Variants in DLST observed in about 807,000 individuals in gnomAD.
DLST encodes dihydrolipoamide S-succinyltransferase, also known as dihydrolipoyllysine-residue succinyltransferase component of 2-oxoglutarate dehydrogenase complex, mitochondrial.
Under a neutral mutation model 53.1 loss-of-function variants are expected in DLST, and 17 were observed. The observed-to-expected ratio is 0.32, with a 90% CI of 0.22 to 0.48. The LOEUF is 0.48. Among genes scored for constraint, DLST ranks in the 20% least tolerant of loss-of-function variants. The pLI is 0.99. For synonymous variants in DLST, 206 were observed against 204.8 expected, an observed-to-expected ratio of 1.01 and a Z score of -0.05; for missense variants, 512 against 583.9, an observed-to-expected ratio of 0.88 and a Z score of 1.27.
intron 10 of DLST, among the ~76,000 whole-genome samples, chr14:74,897,013 G>T (rs1884095336): frequency 6.6e-6 from 1 of 152,162 alleles, no homozygotes; most frequent in African/African-American, 2.4e-5. Context: ...TTCCTCTATT[G>T]TCCCAGCCTT....
At chr14:74,883,754 C>CACCCAGCTGTTGATAAGCCAGGTCT (rs1883612834) in intron 2 of DLST, among the ~76,000 whole-genome samples, 1 of 152,194 alleles carries the variant, frequency 6.6e-6, no homozygotes, top group South Asian at 2.1e-4. Flanking sequence ...CATGGTCACC[C>CACCCAGCTGTTGATAAGCCAGGTCT]ACCCAGCTGT....
chr14:74,894,954 G>A (rs895574205), intron 10 of DLST, among the ~76,000 whole-genome samples: 3 of 151,978 alleles, frequency 2.0e-5, no homozygotes, highest in Non-Finnish European at 4.4e-5. Flanking sequence ...TTGGCTAGGT[G>A]TAGTGGCTCA....
intron 11 of DLST, 125 bp downstream of exon 11, chr14:74,898,624 A>C (rs1437828994): frequency 8.3e-7 from 1 of 1,206,690 alleles, no homozygotes; most frequent in Non-Finnish European, 1.1e-6. Context: ...AAATATCAGT[A>C]TCTTCCCCAG....
At chr14:74,889,980 TTTTCATGGGC>T (rs778762915) in intron 6 of DLST, 28 bp downstream of exon 6, 1 of 1,606,964 alleles carries the variant, frequency 6.2e-7, no homozygotes, top group South Asian at 1.1e-5. Context: ...TCGTACCAGC[TTTTCATGGGC>T]TTCCCTTAGT....
intron 10 of DLST, among the ~76,000 whole-genome samples, chr14:74,895,411 C>A (rs1010457154): frequency 2.6e-5 from 4 of 152,210 alleles, no homozygotes; most frequent in Non-Finnish European, 4.4e-5. Context: ...AGAAATTTGA[C>A]AAACGTGTTT....
At chr14:74,891,487 C>A in intron 7 of DLST, 1 of 1,009,280 alleles carries the variant, frequency 9.9e-7, no homozygotes, top group Non-Finnish European at 1.2e-6. Context: ...TGAAATGCTC[C>A]AAAACTGAAA....
chr14:74,900,414 G>A, intron 13 of DLST, 42 bp downstream of exon 13: 14 of 1,577,034 alleles, frequency 8.9e-6, no homozygotes, highest in Non-Finnish European at 1.2e-5. Flanking sequence ...GCAGGCGAGG[G>A]AAGAGAGCCT....
chr14:74,902,459 A>G lies in DLST; in HGVS notation c.*129A>G. ...TGCTGTTGGCCTCAAGCAAGGAAGC[A>G]GAGCACTGTGTAACCAGCAGTCACA... On this transcript the variant is annotated 3_prime_UTR_variant, in exon 15 of 15. Coordinates refer to ENST00000334220, the MANE Select transcript of DLST (RefSeq NM_001933.5). 1.6e-6 allele frequency: 2 copies of G among 1,212,302 alleles called. No homozygotes were observed. Among genetic ancestry groups the G allele is most frequent in the Non-Finnish European group, 2.3e-6 (2 of 887,462 alleles). The allele number at this position is 1,212,302 out of a possible 1,614,324, so 75.1% of individuals were successfully genotyped here.
At chr14:74,887,261 G>C (rs992003317) in intron 3 of DLST, among the ~76,000 whole-genome samples, 1 of 152,092 alleles carries the variant, frequency 6.6e-6, no homozygotes, top group African/African-American at 2.4e-5. Flanking sequence ...CTACTGTGTG[G>C]TATGATCCCA....
Position 74,889,846 on chromosome 14 carries a change from T to C in DLST, c.275-51T>C. The C allele has an allele frequency of 2.5e-6, 4 of 1,599,864 alleles. No homozygotes were observed. The East Asian group carries it at 6.7e-5, about 27-fold the overall frequency. ...CTGCCAAAATGGGTTTTGTGGCTAC[T>C]GGAGGCTCCCCGCTAACAGGTAGCC... On this transcript the variant is annotated intron_variant, in intron 5 of 14. Coordinates refer to ENST00000334220, the MANE Select transcript of DLST (RefSeq NM_001933.5).
At chr14:74,896,622 CTG>C (rs1884084638) in intron 10 of DLST, among the ~76,000 whole-genome samples, 1 of 152,296 alleles carries the variant, frequency 6.6e-6, no homozygotes, top group Non-Finnish European at 1.5e-5. Flanking sequence ...TCCGAAGAGA[CTG>C]GATGACATTC....
chr14:74,886,487 C>T (rs1362730946), intron 3 of DLST, among the ~76,000 whole-genome samples: 6 of 151,944 alleles, frequency 3.9e-5, no homozygotes, highest in African/African-American at 1.2e-4. Flanking sequence ...CCACCATGCC[C>T]GGTTGTTTTT....
chr14:74,884,235 C>T (rs1027732054), intron 2 of DLST, among the ~76,000 whole-genome samples: 6 of 152,172 alleles, frequency 3.9e-5, no homozygotes, highest in Admixed American at 2.0e-4. Context: ...GTGGGCTGGA[C>T]GGTACAGGAT....
intron 10 of DLST, 22 bp downstream of exon 10, chr14:74,894,431 AT>A (rs527307771): frequency 1.2e-5 from 20 of 1,611,506 alleles, no homozygotes; most frequent in Non-Finnish European, 1.7e-5. Context: ...AGTCCCTCTT[AT>A]CCCCTAGGCC....
intron 3 of DLST, among the ~76,000 whole-genome samples, chr14:74,887,661 C>A (rs910832667): frequency 1.3e-5 from 2 of 152,162 alleles, no homozygotes. Flanking sequence ...CTCTAGCCCC[C>A]CGAATGCCTC....
In DLST at chr14:74,892,816, A is replaced by G; in HGVS notation, c.443-18A>G. 6.3e-7 allele frequency: 1 copy of G among 1,595,210 alleles called. No homozygotes were observed. Among genetic ancestry groups the G allele is most frequent in the Non-Finnish European group, 8.5e-7 (1 of 1,172,376 alleles). Reference sequence around the variant, plus strand: ...ATTTCAGACAGTGCCAGTGGCATATACTTTTCTTGTTTTTCAGCTGCTCCT... The same window carrying G: ...ATTTCAGACAGTGCCAGTGGCATATGCTTTTCTTGTTTTTCAGCTGCTCCT... On this transcript the variant is annotated intron_variant, in intron 7 of 14. Coordinates refer to ENST00000334220, the MANE Select transcript of DLST (RefSeq NM_001933.5).
At chr14:74,884,603 A>C (rs59589166) in intron 2 of DLST, among the ~76,000 whole-genome samples, 15,688 of 152,232 alleles carry the variant, frequency 0.1, 1,195 homozygotes, top group African/African-American at 0.21. Flanking sequence ...AGCACTGTAC[A>C]AATGAAATTT....
At position 74,899,995 on chromosome 14, in the gene DLST, G is replaced by A. The variant is rs1025995190; in HGVS notation, c.974G>A (p.Arg325Gln). The change falls in exon 12 of 15, where the codon CGG (arginine) becomes CAG (glutamine). Residue 325 changes from arginine to glutamine, a missense_variant and splice_region_variant. By Grantham distance (43) the Arg-to-Gln change is conservative. This residue lies in a region of DLST where 186 missense variants were observed against 260.4 expected (regional missense o/e 0.71). Coordinates refer to ENST00000334220, the MANE Select transcript of DLST (RefSeq NM_001933.5). ...ATCAGTGTTGCAGTGGCCACCCCACGGGTATGTTGGGGCAGGAGGTGGGGA... is the reference window on the plus strand; with the variant it reads ...ATCAGTGTTGCAGTGGCCACCCCACAGGTATGTTGGGGCAGGAGGTGGGGA... ...IDISVAVATP[R>Q]GLVVPVIRNV... 3 of 1,612,124 alleles carry A rather than the reference G, an allele frequency of 1.9e-6. No individual in the cohort carries two copies. The highest frequency in any genetic ancestry group is 8.5e-7 in the Non-Finnish European group (1 of 1,178,584).
intron 2 of DLST, among the ~76,000 whole-genome samples, chr14:74,883,688 A>G (rs1883610478): frequency 6.6e-6 from 1 of 152,144 alleles, no homozygotes; most frequent in Non-Finnish European, 1.5e-5. Context: ...AGTAAAAAGT[A>G]TTTTCTCTAT....
Sources: allele counts gnomAD v4.1 joint callset (sites outside exome capture counted in the v4.1 genomes callset), GRCh38; gene constraint gnomAD v4.1.1; regional missense constraint gnomAD v4.1.1; transcripts MANE v1.5; gene names NCBI Gene and HGNC (gene_info 2026-07-23, HGNC 2026-07-21).